Variants in DCLK3 observed in about 807,000 individuals in gnomAD.
DCLK3 encodes the protein serine/threonine-protein kinase DCLK3.
DCLK3 carries 30 observed loss-of-function variants against 46.4 expected under a neutral mutation model. The ratio of observed to expected loss-of-function variants is 0.65; its 90% confidence interval spans 0.48 to 0.88. DCLK3 has a LOEUF of 0.88. Ranked by LOEUF, DCLK3 falls within the 40% of genes least tolerant of loss-of-function variation. The pLI is 0.00. For synonymous variants in DCLK3, 401 were observed against 339.2 expected, an observed-to-expected ratio of 1.18 and a Z score of -2.00; for missense variants, 846 against 907.1, an observed-to-expected ratio of 0.93 and a Z score of 0.87.
intron 1 of DCLK3, among the ~76,000 whole-genome samples, chr3:36,761,857 C>T (rs1342348580): frequency 2.0e-5 from 3 of 152,148 alleles, no homozygotes; most frequent in African/African-American, 7.2e-5. Flanking sequence ...ATTCCACCAG[C>T]CAAAGCAGCC....
intron 1 of DCLK3, among the ~76,000 whole-genome samples, chr3:36,759,824 T>C (rs1351805535): frequency 6.6e-6 from 1 of 152,126 alleles, no homozygotes; most frequent in Non-Finnish European, 1.5e-5. Flanking sequence ...CCAGGAAGGG[T>C]TCCTCCCTTT....
intron 2 of DCLK3, among the ~76,000 whole-genome samples, chr3:36,731,418 G>A (rs973168026): frequency 1.3e-5 from 2 of 150,524 alleles, no homozygotes; most frequent in Non-Finnish European, 3.0e-5. Context: ...TCCCTCTTTA[G>A]CTACTGTCCA....
intron 3 of DCLK3, among the ~76,000 whole-genome samples, chr3:36,721,195 C>G (rs1405769445): frequency 1.3e-5 from 2 of 152,004 alleles, no homozygotes; most frequent in Non-Finnish European, 2.9e-5. Context: ...TTAGAGATAG[C>G]CTTGGGTCAA....
chr3:36,730,229 A>ACAC (rs1701183751), intron 2 of DCLK3, among the ~76,000 whole-genome samples: 1 of 143,318 alleles, frequency 7.0e-6, no homozygotes, highest in East Asian at 2.0e-4. Context: ...CACACACACA[A>ACAC]ACACATAAAC....
chr3:36,738,261 C>A lies in DCLK3; in HGVS notation c.906G>T (p.Ser302=). 2 of 1,552,846 alleles carry A rather than the reference C, an allele frequency of 1.3e-6. No homozygotes were observed. The highest frequency in any genetic ancestry group is 1.4e-5 in the African/African-American group (1 of 72,556). The part of the protein sequence containing the change: ...KHLGVEIEKT[S]GEIIRCEKCK... ...ACTTCTCGCATCTGATAATTTCACCCGAGGTCTTTTCAATCTCCACCCCAA... is the reference window on the plus strand; with the variant it reads ...ACTTCTCGCATCTGATAATTTCACCAGAGGTCTTTTCAATCTCCACCCCAA... Residue 302 remains serine (S), a synonymous_variant, in exon 2 of 5, where the codon TCG becomes TCT. Coordinates refer to ENST00000636136, the MANE Select transcript of DCLK3 (RefSeq NM_001394672.2).
rs919857904 is a variant in DCLK3 at position 36,715,217 on chromosome 3, T to A, written c.*111A>T. 6.4e-6 allele frequency: 8 copies of A among 1,245,138 alleles called. No individual in the cohort carries two copies. Among genetic ancestry groups the A allele is most frequent in the Non-Finnish European group, 8.8e-6 (8 of 912,854 alleles). 77.1% of individuals were successfully genotyped at this position (1,245,138 alleles called of 1,614,324 possible). On this transcript the variant is annotated 3_prime_UTR_variant, in exon 5 of 5. Coordinates refer to ENST00000636136, the MANE Select transcript of DCLK3 (RefSeq NM_001394672.2). ...AAAATATACTCAGTGTCTCTCCCTCTGATTCACCAATTATGTGAAGAAGCC... is the reference window on the plus strand; with the variant it reads ...AAAATATACTCAGTGTCTCTCCCTCAGATTCACCAATTATGTGAAGAAGCC...
At chr3:36,716,804 G>A (rs527431622) in intron 4 of DCLK3, among the ~76,000 whole-genome samples, 2 of 152,334 alleles carry the variant, frequency 1.3e-5, no homozygotes, top group African/African-American at 4.8e-5. Context: ...AGAGAAGGGT[G>A]TGACTACAGC....
intron 2 of DCLK3, among the ~76,000 whole-genome samples, chr3:36,732,233 C>T (rs531371317): frequency 9.2e-5 from 14 of 152,258 alleles, no homozygotes; most frequent in Middle Eastern, 3.4e-3. Flanking sequence ...ACTTATTAGA[C>T]GCCTATCCTT....
At chr3:36,763,179 G>A (rs1445258453) in intron 1 of DCLK3, among the ~76,000 whole-genome samples, 1 of 152,212 alleles carries the variant, frequency 6.6e-6, no homozygotes, top group East Asian at 1.9e-4. Flanking sequence ...ATGAAGGTGG[G>A]ACCCTGCTTC....
chr3:36,723,995 T>G (rs1327700279), intron 2 of DCLK3, among the ~76,000 whole-genome samples: 2 of 152,272 alleles, frequency 1.3e-5, no homozygotes, highest in East Asian at 1.9e-4. Context: ...AATGCCAGCC[T>G]GTGAAAGAAG....
intron 2 of DCLK3, among the ~76,000 whole-genome samples, chr3:36,735,456 C>T (rs1411339276): frequency 1.3e-5 from 2 of 152,200 alleles, no homozygotes; most frequent in South Asian, 2.1e-4. Context: ...CAAGGTTGCT[C>T]GACTTAGTGG....
rs557890005 is a variant in DCLK3 at position 36,733,014 on chromosome 3, T to C, written c.1959+4194A>G. 5.9e-5 allele frequency among the ~76,000 whole-genome samples: 9 copies of C among 152,360 alleles called. No homozygotes were observed. The South Asian group carries it at 1.7e-3, about 28-fold the overall frequency. On this transcript the variant is annotated intron_variant, in intron 2 of 4. Coordinates refer to ENST00000636136, the MANE Select transcript of DCLK3 (RefSeq NM_001394672.2). ...GGCTACTCTTTATCCTTCTGGATTT[T>C]CCCTGCCACCCTTAGGGACACCAGT...
Position 36,742,590 on chromosome 3 carries a change from A to G in DCLK3, c.83-3506T>C, listed in dbSNP as rs536998158. ...ACAATTCAGTCTCCACCTCCTCAGC[A>G]TAACTGGGTCCTACTGAAATTGCAC... On this transcript the variant is annotated intron_variant, in intron 1 of 4. Transcript: ENST00000636136. Among the ~76,000 whole-genome samples, 6 of 152,322 alleles carry G rather than the reference A, an allele frequency of 3.9e-5. No individual in the cohort carries two copies. In the South Asian group the frequency reaches 6.2e-4, roughly 16 times the overall value.
At chr3:36,731,638 T>G (rs1701200220) in intron 2 of DCLK3, among the ~76,000 whole-genome samples, 1 of 152,166 alleles carries the variant, frequency 6.6e-6, no homozygotes, top group South Asian at 2.1e-4. Context: ...CATAAACATC[T>G]GTTACCCTTG....
chr3:36,716,302 C>T (rs1700979236), intron 4 of DCLK3, among the ~76,000 whole-genome samples: 1 of 152,076 alleles, frequency 6.6e-6, no homozygotes, highest in South Asian at 2.1e-4. Context: ...TTATTTTTTG[C>T]CTTTATTGAA....
At chr3:36,754,848 T>C (rs1341346061) in intron 1 of DCLK3, among the ~76,000 whole-genome samples, 1 of 152,226 alleles carries the variant, frequency 6.6e-6, no homozygotes, top group Non-Finnish European at 1.5e-5. Flanking sequence ...GGAAAGGCAA[T>C]TAGAGTACAT....
chr3:36,737,325 T>C lies in DCLK3; in HGVS notation c.1842A>G (p.Glu614=). 1 of 1,614,114 alleles carries C rather than the reference T, an allele frequency of 6.2e-7. No individual in the cohort carries two copies. The highest frequency in any genetic ancestry group is 8.5e-7 in the Non-Finnish European group (1 of 1,180,026). ...QGGDLFDAII[E]SVKFPEPDAA... ...CATCGGGCTCCGGGAACTTCACACT[T>C]TCTATGATGGCGTCAAAAAGGTCTC... Residue 614 remains glutamate (E), a synonymous_variant, in exon 2 of 5, where the codon GAA becomes GAG. Transcript: ENST00000636136. The surrounding 1 kb of genome is among the most constrained non-coding windows in gnomAD (Gnocchi z 4.4).
intron 1 of DCLK3, among the ~76,000 whole-genome samples, chr3:36,759,545 T>C (rs1254015992): frequency 1.3e-5 from 2 of 152,210 alleles, no homozygotes; most frequent in Non-Finnish European, 2.9e-5. Context: ...AGTTGATTTG[T>C]TACTGCAGCA....
At chr3:36,724,890 G>A (rs963054014) in intron 2 of DCLK3, among the ~76,000 whole-genome samples, 1 of 152,066 alleles carries the variant, frequency 6.6e-6, no homozygotes, top group Non-Finnish European at 1.5e-5. Flanking sequence ...GCCCTCATTT[G>A]GAGGGGTGGG....
Sources: gnomAD v4.1 joint callset for allele counts (sites outside exome capture counted in the v4.1 genomes callset) on GRCh38, gnomAD v4.1.1 for gene constraint, Gnocchi (gnomAD v3.1) non-coding constraint, MANE v1.5 for transcripts, NCBI Gene and HGNC (gene_info 2026-07-23, HGNC 2026-07-21) for gene names.